Variants in BCAS3 observed in about 807,000 individuals in gnomAD.
BCAS3 encodes the protein BCAS3 microtubule associated cell migration factor, also known as BCAS4/BCAS3 fusion.
In BCAS3, 53 loss-of-function variants were observed where a neutral mutation model predicts 116.1. The observed-to-expected ratio is 0.46, with a 90% CI of 0.37 to 0.57. BCAS3 has a LOEUF of 0.57. BCAS3 is among the 20% of genes least tolerant of loss of function. BCAS3 has a pLI of 0.00. For missense variants in BCAS3, 917 were observed against 1,165.4 expected, an observed-to-expected ratio of 0.79 and a Z score of 3.10; for synonymous variants, 391 against 408.2, an observed-to-expected ratio of 0.96 and a Z score of 0.51.
At chr17:60,814,674 G>T (rs535556874) in intron 7 of BCAS3, among the ~76,000 whole-genome samples, 1 of 152,098 alleles carries the variant, frequency 6.6e-6, no homozygotes, top group Non-Finnish European at 1.5e-5. Context: ...ATTTTAGTAC[G>T]TTTGACGTAT....
intron 22 of BCAS3, among the ~76,000 whole-genome samples, chr17:61,168,620 T>C (rs2078657349): frequency 6.6e-6 from 1 of 152,226 alleles, no homozygotes. Context: ...TATGATATGC[T>C]TGAGAGATCA....
rs181758853 is a variant in BCAS3 at position 61,088,397 on chromosome 17, G to A, written c.2425+3833G>A. On this transcript the variant is annotated intron_variant, in intron 22 of 23. Transcript: ENST00000407086. The surrounding 1 kb of genome is among the most constrained non-coding windows in gnomAD (Gnocchi z 4.2). Reference sequence around the variant, plus strand: ...TATCCAGCTGATGAACAACAATGTCGATGAATCATTGATAGTATTTCTAGC... The same window carrying A: ...TATCCAGCTGATGAACAACAATGTCAATGAATCATTGATAGTATTTCTAGC... 8.9e-4 allele frequency among the ~76,000 whole-genome samples: 136 copies of A among 152,302 alleles called. 2 individuals are homozygous for A. The highest frequency in any genetic ancestry group is 4.0e-3 in the Admixed American group (61 of 15,298).
At chr17:60,811,271 A>G in intron 7 of BCAS3, 1 of 915,512 alleles carries the variant, frequency 1.1e-6, no homozygotes, top group Non-Finnish European at 1.7e-6. Flanking sequence ...GGCCCTGCTG[A>G]ACATCAAGGT....
intron 18 of BCAS3, among the ~76,000 whole-genome samples, chr17:61,039,449 G>A (rs1474950186): frequency 2.0e-5 from 3 of 151,496 alleles, no homozygotes; most frequent in Non-Finnish European, 4.4e-5. Flanking sequence ...CTGAGATGGA[G>A]TCTTGCTCTG....
intron 22 of BCAS3, among the ~76,000 whole-genome samples, chr17:61,178,525 G>A (rs981381650): frequency 6.6e-6 from 1 of 152,070 alleles, no homozygotes; most frequent in African/African-American, 2.4e-5. Flanking sequence ...AGATTGTGCT[G>A]GTGTTTAGTG....
At chr17:60,737,099 C>G (rs192054229) in intron 5 of BCAS3, among the ~76,000 whole-genome samples, 13 of 152,200 alleles carry the variant, frequency 8.5e-5, no homozygotes, top group Admixed American at 7.9e-4. Flanking sequence ...ACCACCACGC[C>G]TGGCTAATTT....
intron 22 of BCAS3, among the ~76,000 whole-genome samples, chr17:61,236,350 C>T (rs1307014282): frequency 2.0e-5 from 3 of 152,146 alleles, no homozygotes; most frequent in Non-Finnish European, 2.9e-5. Context: ...GATGGAGTCT[C>T]GCTCTGTCAC....
intron 6 of BCAS3, among the ~76,000 whole-genome samples, chr17:60,806,014 A>G (rs1220406911): frequency 2.0e-5 from 3 of 151,202 alleles, no homozygotes; most frequent in Non-Finnish European, 4.4e-5. Flanking sequence ...GCCTGCCTCC[A>G]TGCTCGCGCT....
intron 8 of BCAS3, among the ~76,000 whole-genome samples, chr17:60,871,873 C>A (rs757397507): frequency 1.3e-5 from 2 of 151,552 alleles, no homozygotes; most frequent in Non-Finnish European, 2.9e-5. Context: ...ATTCATTAGA[C>A]CCTTAGGAAG....
At chr17:60,799,703 CTTTTCTTTTTTTTTTT>C in intron 6 of BCAS3, among the ~76,000 whole-genome samples, 1 of 51,802 alleles carries the variant, frequency 1.9e-5, no homozygotes, top group South Asian at 6.0e-4. Flanking sequence ...TAATTTTTTT[CTTTTCTTTTTTTTTTT>C]TTTTTTTTTT....
In BCAS3 at chr17:61,034,758, T is replaced by C; in HGVS notation, c.1730T>C (p.Phe577Ser). The C allele has an allele frequency of 6.2e-7, 1 of 1,612,698 alleles. No individual in the cohort carries two copies. Among genetic ancestry groups the C allele is most frequent in the Non-Finnish European group, 8.5e-7 (1 of 1,179,310 alleles). ...AAIFGTSRSW[F>S]ANNAGLKREK... is the part of the protein sequence containing the mutation. ...ATCTTCGGAACATCCAGGTCATGGT[T>C]TGCAAATAATGCAGGTCTGAAAAGA... The change falls in exon 17 of 24, where the codon TTT becomes TCT. Residue 577 changes from phenylalanine (F) to serine (S), a missense_variant. By Grantham distance (155) the Phe-to-Ser change is radical. Transcript: ENST00000407086. The surrounding 1 kb of genome is among the most constrained non-coding windows in gnomAD (Gnocchi z 5.0).
rs796257228 is a variant in BCAS3 at position 60,868,433 on chromosome 17, AT to A, written c.477-142del. On this transcript the variant is annotated intron_variant, in intron 7 of 23. Coordinates refer to ENST00000407086, the MANE Select transcript of BCAS3 (RefSeq NM_017679.5). ...GACTTAAAATAAGGGATGTATTATG[AT>A]CATTTTTGGGATAAGTTTTGAATCA... 1.6e-5 allele frequency: 8 copies of A among 511,456 alleles called. No individual in the cohort carries two copies. In the African/African-American group the frequency reaches 1.6e-4, roughly 10 times the overall value. 31.7% of individuals were successfully genotyped at this position (511,456 alleles called of 1,614,324 possible).
rs183486969 is a variant in BCAS3, at chr17:61,008,760, A to G, written c.1487-6991A>G. 1.3e-5 allele frequency among the ~76,000 whole-genome samples: 2 copies of G among 152,210 alleles called. No individual in the cohort carries two copies. The highest frequency in any genetic ancestry group is 2.9e-5 in the Non-Finnish European group (2 of 67,968). Reference sequence around the variant, plus strand: ...ATCATCTAGTTTTTATTTTTGAAAGATATGATATAGGGAATAGAACATCTA... The same window carrying G: ...ATCATCTAGTTTTTATTTTTGAAAGGTATGATATAGGGAATAGAACATCTA... On this transcript the variant is annotated intron_variant, in intron 15 of 23. Coordinates refer to ENST00000407086, the MANE Select transcript of BCAS3 (RefSeq NM_017679.5). This position sits in a 1 kb window ranked among gnomAD's most constrained non-coding sequence, Gnocchi z 4.6.
At chr17:60,718,143 T>G (rs1712227273) in intron 5 of BCAS3, among the ~76,000 whole-genome samples, 2 of 152,322 alleles carry the variant, frequency 1.3e-5, no homozygotes, top group African/African-American at 4.8e-5. Flanking sequence ...AAGCTTCGCT[T>G]TTGCTTGCCT....
At position 61,316,859 on chromosome 17, in the gene BCAS3, G is replaced by A. The variant is rs979380774; in HGVS notation, c.2426-51468G>A. 6.6e-6 allele frequency among the ~76,000 whole-genome samples: 1 copy of A among 152,120 alleles called. No individual in the cohort carries two copies. Among genetic ancestry groups the A allele is most frequent in the African/African-American group, 2.4e-5 (1 of 41,410 alleles). On this transcript the variant is annotated intron_variant, in intron 22 of 23. Transcript: ENST00000407086. The surrounding 1 kb of genome is among the most constrained non-coding windows in gnomAD (Gnocchi z 5.8). ...AATTAACAGTTGCAATTTATGTTTA[G>A]CGGTTTCCCCACTAAGGAATTCCTC...
intron 7 of BCAS3, among the ~76,000 whole-genome samples, chr17:60,849,592 A>G (rs1416563002): frequency 6.6e-6 from 1 of 152,176 alleles, no homozygotes; most frequent in Admixed American, 6.5e-5. Context: ...AAGGAAAGCT[A>G]TTATTATAAC....
chr17:61,221,065 A>G (rs888418326), intron 22 of BCAS3, among the ~76,000 whole-genome samples: 6 of 152,198 alleles, frequency 3.9e-5, no homozygotes, highest in Non-Finnish European at 1.5e-5. Context: ...GCACCACTGC[A>G]CTCCAGCCTG....
intron 6 of BCAS3, among the ~76,000 whole-genome samples, chr17:60,788,253 C>G (rs61526320): frequency 6.8e-4 from 104 of 152,238 alleles, no homozygotes; most frequent in African/African-American, 2.5e-3. Flanking sequence ...GAATTCTTGT[C>G]TAGCTTTAAG....
chr17:61,035,927 ATTGT>A lies in BCAS3; in HGVS notation c.1762+1140_1762+1143del, dbSNP rs915739696. 3.0e-4 allele frequency among the ~76,000 whole-genome samples: 46 copies of A among 152,250 alleles called. 1 individual carries two copies. The highest frequency in any genetic ancestry group is 1.0e-3 in the African/African-American group (42 of 41,530). On this transcript the variant is annotated intron_variant, in intron 17 of 23. Transcript: ENST00000407086. ...TCAGTCTGCCATTTGAAGCTTATGAATTGTTTATTTCTGGAATTTTCCGTTTAAT... is the reference window on the plus strand; with the variant it reads ...TCAGTCTGCCATTTGAAGCTTATGAATTATTTCTGGAATTTTCCGTTTAAT...
Sources: allele counts gnomAD v4.1 joint callset (sites outside exome capture counted in the v4.1 genomes callset), GRCh38; gene constraint gnomAD v4.1.1; non-coding constraint Gnocchi (gnomAD v3.1); transcripts MANE v1.5; gene names NCBI Gene and HGNC (gene_info 2026-07-23, HGNC 2026-07-21).